Variants in USP3 observed in about 807,000 individuals in gnomAD.
USP3 encodes ubiquitin carboxyl-terminal hydrolase 3.
A neutral mutation model predicts 72.3 loss-of-function variants in USP3; 20 were observed. The observed-to-expected ratio is 0.28, with a 90% CI of 0.19 to 0.40. USP3 has a LOEUF of 0.40. Ranked by LOEUF, USP3 falls within the 10% of genes least tolerant of loss-of-function variation. USP3 has a pLI of 1.00. For synonymous variants in USP3, 222 were observed against 225.3 expected (o/e 0.99, Z 0.13); for missense variants, 479 against 633.9 (o/e 0.76, Z 2.62).
intron 1 of USP3, among the ~76,000 whole-genome samples, chr15:63,512,347 CTCTTCCTCTTCTTCTTCT>C (rs1191890073): frequency 3.9e-3 from 387 of 98,214 alleles, no homozygotes; most frequent in African/African-American, 0.011. Context: ...CCTCTTCCTC[CTCTTCCTCTTCTTCTTCT>C]TTCTTCTTTC....
chr15:63,533,970 C>T, intron 2 of USP3: 2 of 749,698 alleles, frequency 2.7e-6, no homozygotes, highest in Non-Finnish European at 3.4e-6. Context: ...CCAGAAGTCT[C>T]GTAGTGCTCT....
Position 63,591,288 on chromosome 15 carries a change from G to T in USP3, c.*462G>T, listed in dbSNP as rs577982617. ...CAAGGATCATGTGTGCACAATACTT[G>T]TGGCCCACAAAATTTCACAATGACT... On this transcript the variant is annotated 3_prime_UTR_variant, in exon 15 of 15. Coordinates refer to ENST00000380324, the MANE Select transcript of USP3 (RefSeq NM_006537.4). 1 of 153,248 alleles carries T rather than the reference G, an allele frequency of 6.5e-6. No individual in the cohort carries two copies. Among genetic ancestry groups the T allele is most frequent in the Non-Finnish European group, 1.5e-5 (1 of 68,790 alleles). 9.5% of individuals were successfully genotyped at this position (153,248 alleles called of 1,614,324 possible). A position where few individuals can be genotyped will look rare whatever the true frequency, so the allele number is the denominator to read the frequency against.
chr15:63,560,415 CAAA>C (rs1172049542), intron 7 of USP3, among the ~76,000 whole-genome samples: 8 of 97,966 alleles, frequency 8.2e-5, no homozygotes, highest in African/African-American at 2.8e-4. Flanking sequence ...GACTCCATCT[CAAA>C]AAAAAAAAAA....
rs1039460562 is a variant in USP3, at chr15:63,554,061, A to T, written c.368+263A>T. On this transcript the variant is annotated intron_variant, in intron 4 of 14. Coordinates refer to ENST00000380324, the MANE Select transcript of USP3 (RefSeq NM_006537.4). ...GCCTCTTTAAAAAATATTACCCAAC[A>T]ATTTATAAGCTACTCAATTTATTTT... Among the ~76,000 whole-genome samples the T allele has an allele frequency of 5.9e-5, 9 of 152,280 alleles. No individual in the cohort carries two copies. The South Asian group carries it at 6.2e-4, about 11-fold the overall frequency.
At chr15:63,515,921 C>T (rs2065844980) in intron 1 of USP3, among the ~76,000 whole-genome samples, 1 of 152,222 alleles carries the variant, frequency 6.6e-6, no homozygotes, top group African/African-American at 2.4e-5. Flanking sequence ...TATTTACCTG[C>T]ATAATTCTAA....
At chr15:63,512,405 CTTCTTTCTTCTTTCTTT>C (rs1280004439) in intron 1 of USP3, among the ~76,000 whole-genome samples, 17 of 144,590 alleles carry the variant, frequency 1.2e-4, no homozygotes, top group South Asian at 8.5e-4. Context: ...CTTCCTTCTT[CTTCTTTCTTCTTTCTTT>C]TTCTTTCTTC....
At chr15:63,572,168 C>T (rs535349099) in intron 9 of USP3, among the ~76,000 whole-genome samples, 45 of 152,162 alleles carry the variant, frequency 3.0e-4, no homozygotes, top group African/African-American at 1.1e-3. Context: ...AATATTAAGT[C>T]ATGGTATATA....
At chr15:63,557,177 T>C (rs2066525356) in intron 5 of USP3, among the ~76,000 whole-genome samples, 2 of 152,282 alleles carry the variant, frequency 1.3e-5, no homozygotes, top group South Asian at 4.1e-4. Flanking sequence ...CTGAAGTGAT[T>C]CTCCTGCCAC....
rs1006507150 is a variant in USP3, at chr15:63,591,253, G to A, written c.*427G>A. ...CCACAGCTATAATGGACATCAGGTT[G>A]ACTCTAAATCAAGGATCATGTGTGC... On this transcript the variant is annotated 3_prime_UTR_variant, in exon 15 of 15. Transcript: ENST00000380324. 1 of 159,254 alleles carries A rather than the reference G, an allele frequency of 6.3e-6. No homozygotes were observed. Among genetic ancestry groups the A allele is most frequent in the Non-Finnish European group, 1.4e-5 (1 of 72,568 alleles). 9.9% of individuals were successfully genotyped at this position (159,254 alleles called of 1,614,324 possible).
At chr15:63,571,523 T>TTTCTATA (rs1443639566) in intron 9 of USP3, among the ~76,000 whole-genome samples, 1 of 152,220 alleles carries the variant, frequency 6.6e-6, no homozygotes, top group Non-Finnish European at 1.5e-5. Flanking sequence ...GGGAAGGACC[T>TTTCTATA]GTGACCTGGG....
chr15:63,588,443 T>A lies in USP3; in HGVS notation c.1215+20T>A. On this transcript the variant is annotated intron_variant, in intron 12 of 14. Coordinates refer to ENST00000380324, the MANE Select transcript of USP3 (RefSeq NM_006537.4). The surrounding 1 kb of genome is among the most constrained non-coding windows in gnomAD (Gnocchi z 4.6). ...CCCAAGGTGAGTGTTGAATTTTGAGTTATGAAGCAATTTCAATGGGAAAGT... is the reference window on the plus strand; with the variant it reads ...CCCAAGGTGAGTGTTGAATTTTGAGATATGAAGCAATTTCAATGGGAAAGT... 6.5e-7 allele frequency: 1 copy of A among 1,545,472 alleles called. No individual in the cohort carries two copies. Among genetic ancestry groups the A allele is most frequent in the Non-Finnish European group, 8.8e-7 (1 of 1,131,604 alleles).
chr15:63,545,520 A>G (rs1207528489), intron 3 of USP3, among the ~76,000 whole-genome samples: 1 of 151,898 alleles, frequency 6.6e-6, no homozygotes, highest in East Asian at 1.9e-4. Context: ...CCTTTTTTAT[A>G]TCCTATTTCC....
intron 3 of USP3, among the ~76,000 whole-genome samples, chr15:63,538,550 T>C: frequency 8.5e-6 from 1 of 117,354 alleles, no homozygotes; most frequent in Non-Finnish European, 1.7e-5. Context: ...GGTCTTTTAC[T>C]TTTTTTTTTT....
Position 63,512,358 on chromosome 15 carries a change from C to CTTCTTCT in USP3, c.91+7548_91+7554dup, listed in dbSNP as rs372421266. On this transcript the variant is annotated intron_variant, in intron 1 of 14. Coordinates refer to ENST00000380324, the MANE Select transcript of USP3 (RefSeq NM_006537.4). Reference sequence around the variant, plus strand: ...TCCTCCTCTTCCTCCTCTTCCTCTTCTTCTTCTTTCTTCTTTCTTCTTTCT... The same window carrying CTTCTTCT: ...TCCTCCTCTTCCTCCTCTTCCTCTTCTTCTTCTTTCTTCTTTCTTCTTTCTTCTTTCT... Among the ~76,000 whole-genome samples, 604 of 107,452 alleles carry CTTCTTCT rather than the reference C, an allele frequency of 5.6e-3. 8 individuals carry two copies. The highest frequency in any genetic ancestry group is 0.023 in the African/African-American group (571 of 25,002). 70.5% of individuals were successfully genotyped at this position (107,452 alleles called of 152,430 possible).
At chr15:63,558,001 A>T (rs750502167) in intron 5 of USP3, 105 bp from the exon 6 acceptor site, 5 of 1,100,406 alleles carry the variant, frequency 4.5e-6, no homozygotes, top group Non-Finnish European at 6.9e-6. Context: ...ACCAATTCCA[A>T]ATTGGCTTGG....
chr15:63,541,365 T>C (rs1472829770), intron 3 of USP3, among the ~76,000 whole-genome samples: 1 of 152,300 alleles, frequency 6.6e-6, no homozygotes, highest in Non-Finnish European at 1.5e-5. Context: ...CCTACAGCAG[T>C]TGTGATTAAA....
At chr15:63,575,691 T>C (rs918120040) in intron 11 of USP3, among the ~76,000 whole-genome samples, 12 of 152,220 alleles carry the variant, frequency 7.9e-5, no homozygotes, top group Admixed American at 4.6e-4. Flanking sequence ...GGCTCTAGTA[T>C]GTGTCTCCAA....
chr15:63,576,176 G>A (rs891549367), intron 11 of USP3, among the ~76,000 whole-genome samples: 20 of 151,956 alleles, frequency 1.3e-4, no homozygotes, highest in Admixed American at 2.6e-4. Flanking sequence ...TAGTAGAGAC[G>A]AGGTTTTGCC....
At chr15:63,590,566 A>C in intron 14 of USP3, 95 bp from the exon 15 acceptor site, 1 of 1,180,164 alleles carries the variant, frequency 8.5e-7, no homozygotes. Flanking sequence ...TCTAGGATGT[A>C]TTCTTATTAA....
Sources: allele counts gnomAD v4.1 joint callset (sites outside exome capture counted in the v4.1 genomes callset), GRCh38; gene constraint gnomAD v4.1.1; non-coding constraint Gnocchi (gnomAD v3.1); transcripts MANE v1.5; gene names NCBI Gene and HGNC (gene_info 2026-07-23, HGNC 2026-07-21).